Variants in EEIG2 observed in about 807,000 individuals in gnomAD.
EEIG2 encodes the protein EEIG family member 2.
At chr1:108,569,708 A>G in the EEIG2 span, among the ~76,000 whole-genome samples, 2 of 151,842 alleles carry the variant, frequency 1.3e-5, no homozygotes, top group Admixed American at 6.6e-5. Flanking sequence ...TACTCTTCCT[A>G]AATCTTTCAC....
chr1:108,605,600 T>TG, the EEIG2 span, among the ~76,000 whole-genome samples: 1 of 152,188 alleles, frequency 6.6e-6, no homozygotes, highest in Admixed American at 6.5e-5. Context: ...TGCTAGGTAT[T>TG]GTTCTGAGTG....
chr1:108,583,019 T>C, the EEIG2 span, among the ~76,000 whole-genome samples: 3 of 151,746 alleles, frequency 2.0e-5, no homozygotes, highest in East Asian at 5.8e-4. Flanking sequence ...ATGTGGAAAA[T>C]ATATAAAATT....
the EEIG2 span, among the ~76,000 whole-genome samples, chr1:108,580,504 T>C: frequency 6.6e-6 from 1 of 152,176 alleles, no homozygotes; most frequent in Non-Finnish European, 1.5e-5. Flanking sequence ...GCTAGGCCTC[T>C]TGCACTGAAC....
the EEIG2 span, among the ~76,000 whole-genome samples, chr1:108,574,114 T>A: frequency 7.2e-5 from 11 of 152,146 alleles, no homozygotes; most frequent in African/African-American, 2.7e-4. Context: ...GAAAACTAAG[T>A]GTCCATCACA....
chr1:108,602,293 T>TA, the EEIG2 span, among the ~76,000 whole-genome samples: 2 of 152,104 alleles, frequency 1.3e-5, no homozygotes, highest in Non-Finnish European at 2.9e-5. Flanking sequence ...AACAGAAACT[T>TA]ACTGTCTGAG....
the EEIG2 span, among the ~76,000 whole-genome samples, chr1:108,577,956 G>C: frequency 4.6e-5 from 7 of 151,370 alleles, no homozygotes; most frequent in East Asian, 1.4e-3. Context: ...CCGTTTGTTT[G>C]TATCCTCTTT....
the EEIG2 span, among the ~76,000 whole-genome samples, chr1:108,618,168 G>A: frequency 1.3e-5 from 2 of 152,160 alleles, no homozygotes; most frequent in Non-Finnish European, 2.9e-5. Context: ...CTCAACAAGA[G>A]GGAAAAACTG....
chr1:108,616,771 A>G, the EEIG2 span, among the ~76,000 whole-genome samples: 1 of 152,200 alleles, frequency 6.6e-6, no homozygotes, highest in Non-Finnish European at 1.5e-5. Context: ...TATTCTAGAT[A>G]CTAGAGAAAC....
chr1:108,628,934 T>A, the EEIG2 span: 1 of 731,980 alleles, frequency 1.4e-6, no homozygotes, highest in Non-Finnish European at 2.1e-6. Flanking sequence ...TTCATGCCCA[T>A]AAAAATATCA....
At chr1:108,635,390 G>T in the EEIG2 span, 1 of 504,254 alleles carries the variant, frequency 2.0e-6, no homozygotes, top group East Asian at 3.2e-5. Context: ...GGCTTCTGTG[G>T]TCACTGCACA....
At chr1:108,569,137 G>A in the EEIG2 span, among the ~76,000 whole-genome samples, 1 of 152,160 alleles carries the variant, frequency 6.6e-6, no homozygotes, top group Non-Finnish European at 1.5e-5. Flanking sequence ...ACAGAACTAG[G>A]ACCAGTGGGG....
chr1:108,611,965 T>C, the EEIG2 span, among the ~76,000 whole-genome samples: 2 of 152,086 alleles, frequency 1.3e-5, no homozygotes, highest in African/African-American at 4.8e-5. Context: ...ATCCTGTTGC[T>C]GAACGCAAGA....
At chr1:108,606,185 T>C in the EEIG2 span, 1 of 1,345,966 alleles carries the variant, frequency 7.4e-7, no homozygotes, top group Non-Finnish European at 1.0e-6. Context: ...AAATCTTTCA[T>C]TATGTGATAT....
the EEIG2 span, among the ~76,000 whole-genome samples, chr1:108,571,990 A>C: frequency 6.6e-6 from 1 of 151,960 alleles, no homozygotes; most frequent in Non-Finnish European, 1.5e-5. Context: ...AAATAACTAC[A>C]TTTCCTGTCT....
At chr1:108,632,931 A>T in the EEIG2 span, among the ~76,000 whole-genome samples, 1 of 144,010 alleles carries the variant, frequency 6.9e-6, no homozygotes, top group East Asian at 2.1e-4. Flanking sequence ...ACAGGCATGC[A>T]CCACCATGCC....
the EEIG2 span, among the ~76,000 whole-genome samples, chr1:108,616,836 G>C: frequency 6.6e-6 from 1 of 152,142 alleles, no homozygotes; most frequent in African/African-American, 2.4e-5. Context: ...TATTCTAAGA[G>C]GAAAATGGAC....
chr1:108,591,432 A>T, the EEIG2 span, among the ~76,000 whole-genome samples: 2 of 152,244 alleles, frequency 1.3e-5, no homozygotes, highest in Non-Finnish European at 2.9e-5. Context: ...AACGATAAAG[A>T]TTACTTAACA....
At chr1:108,601,144 GTTT>G in the EEIG2 span, among the ~76,000 whole-genome samples, 2 of 151,940 alleles carry the variant, frequency 1.3e-5, no homozygotes, top group Non-Finnish European at 2.9e-5. Context: ...CTCAAACAGA[GTTT>G]TCTGACTCCA....
At chr1:108,602,873 CAA>C in the EEIG2 span, among the ~76,000 whole-genome samples, 14 of 149,674 alleles carry the variant, frequency 9.4e-5, no homozygotes, top group Middle Eastern at 3.4e-3. Flanking sequence ...TACCCTGTCT[CAA>C]AAAAAAAAAG....
Sources: allele counts gnomAD v4.1 joint callset (sites outside exome capture counted in the v4.1 genomes callset), GRCh38; gene constraint gnomAD v4.1.1; transcripts MANE v1.5; gene names NCBI Gene and HGNC (gene_info 2026-07-23, HGNC 2026-07-21).